The following ADAMTS12 variants were observed in gnomAD, a reference collection of about 807,000 sequenced individuals.
The protein encoded by ADAMTS12 is A disintegrin and metalloproteinase with thrombospondin motifs 12.
In ADAMTS12, 118 loss-of-function variants were observed where a neutral mutation model predicts 167.8. That is an observed-to-expected ratio of 0.70 (90% CI 0.61 to 0.82). The LOEUF (loss-of-function observed/expected upper bound fraction) is 0.82. Ranked by LOEUF, ADAMTS12 falls within the 40% of genes least tolerant of loss-of-function variation. The pLI, the probability that ADAMTS12 is intolerant of heterozygous loss-of-function variation, is 0.00. For synonymous variants in ADAMTS12, 704 were observed against 716.9 expected (o/e 0.98, Z 0.29); for missense variants, 1,916 against 1,998.8 (o/e 0.96, Z 0.79).
At chr5:33,740,586 G>A (rs985279392) in intron 3 of ADAMTS12, among the ~76,000 whole-genome samples, 1 of 151,912 alleles carries the variant, frequency 6.6e-6, no homozygotes, top group Non-Finnish European at 1.5e-5. Flanking sequence ...ATCTTGGGAT[G>A]GGGGGGATGA....
chr5:33,709,778 G>A (rs1743328751), intron 3 of ADAMTS12, among the ~76,000 whole-genome samples: 2 of 151,940 alleles, frequency 1.3e-5, no homozygotes, highest in South Asian at 2.1e-4. Context: ...CTAGGTGATG[G>A]GTTGAAAGCT....
chr5:33,871,874 C>T (rs1263580951), intron 2 of ADAMTS12, among the ~76,000 whole-genome samples: 1 of 152,048 alleles, frequency 6.6e-6, no homozygotes, highest in Admixed American at 6.6e-5. Flanking sequence ...ACATTTCTCA[C>T]ATGTTCATTA....
At chr5:33,581,493 T>A (rs1747062733) in intron 18 of ADAMTS12, among the ~76,000 whole-genome samples, 1 of 152,176 alleles carries the variant, frequency 6.6e-6, no homozygotes, top group African/African-American at 2.4e-5. Flanking sequence ...TGAGCTGTAG[T>A]GCTGAGAAAG....
At chr5:33,533,547 C>T (rs1357142213) in intron 23 of ADAMTS12, among the ~76,000 whole-genome samples, 2 of 152,066 alleles carry the variant, frequency 1.3e-5, no homozygotes, top group Non-Finnish European at 2.9e-5. Flanking sequence ...TTTTGAGAAG[C>T]AAGAGTCTGG....
chr5:33,538,353 G>A (rs537555964), intron 22 of ADAMTS12, among the ~76,000 whole-genome samples: 25 of 152,186 alleles, frequency 1.6e-4, no homozygotes, highest in African/African-American at 5.5e-4. Flanking sequence ...CCCATGATCC[G>A]CTCACCTGCC....
intron 3 of ADAMTS12, among the ~76,000 whole-genome samples, chr5:33,719,820 T>G (rs938900237): frequency 3.3e-5 from 5 of 152,222 alleles, no homozygotes; most frequent in Admixed American, 6.5e-5. Flanking sequence ...AGATGGATGC[T>G]GTATACTTTT....
intron 16 of ADAMTS12, among the ~76,000 whole-genome samples, chr5:33,600,900 T>A (rs960308853): frequency 2.6e-5 from 4 of 152,214 alleles, no homozygotes; most frequent in African/African-American, 7.2e-5. Context: ...AGGAATTGTT[T>A]ATCCGTCCGT....
intron 2 of ADAMTS12, among the ~76,000 whole-genome samples, chr5:33,787,205 C>T (rs1016034886): frequency 3.3e-5 from 5 of 152,040 alleles, no homozygotes; most frequent in Admixed American, 3.3e-4. Context: ...TAGTCACCTC[C>T]TATTGATTTA....
intron 18 of ADAMTS12, 113 bp from the exon 19 acceptor site, chr5:33,577,273 T>G (rs1336265494): frequency 1.1e-5 from 16 of 1,456,924 alleles, no homozygotes; most frequent in Non-Finnish European, 1.4e-5. Context: ...GCAGCTAAAA[T>G]TGTCTGCTAT....
In ADAMTS12 at chr5:33,654,574, C is replaced by T. The variant is rs186843303; in HGVS notation, c.1190+3610G>A. Among the ~76,000 whole-genome samples, 29 of 152,248 alleles carry T rather than the reference C, an allele frequency of 1.9e-4. No individual in the cohort carries two copies. In the East Asian group the frequency reaches 3.9e-3, roughly 20 times the overall value. On this transcript the variant is annotated intron_variant, in intron 7 of 23. Transcript: ENST00000504830. Reference sequence around the variant, plus strand: ...CTCCCCATGTAATCTGTCCTGACACCACAGGGGTGGGGCTAGGGGAGCCCT... The same window carrying T: ...CTCCCCATGTAATCTGTCCTGACACTACAGGGGTGGGGCTAGGGGAGCCCT...
In ADAMTS12 at chr5:33,753,345, G is replaced by A. The variant is rs539311214; in HGVS notation, c.490-1797C>T. On this transcript the variant is annotated intron_variant, in intron 2 of 23. Coordinates refer to ENST00000504830, the MANE Select transcript of ADAMTS12 (RefSeq NM_030955.4). ...AATCTCTGGAACAGGAAGGAAGAAC[G>A]GACAAGGCCCAAAGACAGTTGTCAA... Among the ~76,000 whole-genome samples the A allele has an allele frequency of 7.9e-5, 12 of 152,266 alleles. No individual in the cohort carries two copies. In the South Asian group the frequency reaches 1.2e-3, roughly 16 times the overall value.
intron 2 of ADAMTS12, among the ~76,000 whole-genome samples, chr5:33,804,847 G>A (rs1039303502): frequency 2.0e-5 from 3 of 152,126 alleles, no homozygotes; most frequent in Non-Finnish European, 4.4e-5. Flanking sequence ...TAAGAGTAAG[G>A]AGGTGAAGAG....
intron 2 of ADAMTS12, among the ~76,000 whole-genome samples, chr5:33,862,625 C>A (rs557578369): frequency 5.9e-5 from 9 of 152,294 alleles, no homozygotes; most frequent in African/African-American, 1.9e-4. Context: ...CAAAGAGGAG[C>A]TGGTAGCACA....
At chr5:33,570,927 A>G (rs1222944730) in intron 19 of ADAMTS12, among the ~76,000 whole-genome samples, 4 of 151,586 alleles carry the variant, frequency 2.6e-5, no homozygotes, top group African/African-American at 4.9e-5. Context: ...GGAAAACAAA[A>G]AAGGCAGGGG....
At chr5:33,657,592 C>T (rs941305611) in intron 7 of ADAMTS12, among the ~76,000 whole-genome samples, 6 of 152,352 alleles carry the variant, frequency 3.9e-5, no homozygotes, top group Middle Eastern at 3.4e-3. Context: ...CAAATTCACA[C>T]ATTTTTGTGA....
chr5:33,675,090 A>G (rs138179333), intron 5 of ADAMTS12, among the ~76,000 whole-genome samples: 119 of 152,272 alleles, frequency 7.8e-4, no homozygotes, highest in Middle Eastern at 3.4e-3. Context: ...TGCTGGTGCC[A>G]TGATCTTGGA....
rs757292276 is a variant in ADAMTS12, at chr5:33,588,681, T to C, written c.2783A>G (p.His928Arg). Residue 928 changes from histidine (H) to arginine (R), a missense_variant, in exon 18 of 24, where the codon CAC becomes CGC. Coordinates refer to ENST00000504830, the MANE Select transcript of ADAMTS12 (RefSeq NM_030955.4). Reference protein sequence around the residue: ...EQALPPTDCQHLLKPKTLLSC... With the variant: ...EQALPPTDCQRLLKPKTLLSC... ...AAGGAGGGTCTTGGGCTTCAGCAGG[T>C]GCTGGCAGTCTGTGGGCGGGAGAGC... is the stretch of plus-strand genomic sequence containing the variant. 4 of 1,614,040 alleles carry C rather than the reference T, an allele frequency of 2.5e-6. No individual in the cohort carries two copies. Among genetic ancestry groups the C allele is most frequent in the African/African-American group, 1.3e-5 (1 of 75,004 alleles).
intron 3 of ADAMTS12, among the ~76,000 whole-genome samples, chr5:33,701,122 T>C (rs1742986294): frequency 6.6e-6 from 1 of 151,810 alleles, no homozygotes; most frequent in Non-Finnish European, 1.5e-5. Flanking sequence ...TAATCCCAAG[T>C]CTGGGAAATT....
At chr5:33,877,759 T>G (rs1750283703) in intron 2 of ADAMTS12, among the ~76,000 whole-genome samples, 2 of 152,110 alleles carry the variant, frequency 1.3e-5, no homozygotes, top group South Asian at 4.1e-4. Flanking sequence ...AAGAAGGTTG[T>G]CCCACAGCTT....
Sources: gnomAD v4.1 joint callset for allele counts (sites outside exome capture counted in the v4.1 genomes callset) on GRCh38, gnomAD v4.1.1 for gene constraint, MANE v1.5 for transcripts, NCBI Gene and HGNC (gene_info 2026-07-23, HGNC 2026-07-21) for gene names.